The following GPBP1L1 variants were observed in gnomAD, a reference collection of about 807,000 sequenced individuals.
GPBP1L1 encodes GC-rich promoter binding protein 1 like 1.
In GPBP1L1, 23 loss-of-function variants were observed where a neutral mutation model predicts 52.5. The ratio of observed to expected loss-of-function variants is 0.44; its 90% CI spans 0.32 to 0.62. The LOEUF is 0.62. Ranked by LOEUF, GPBP1L1 falls within the 20% of genes least tolerant of loss-of-function variation. The pLI, the probability that GPBP1L1 is intolerant of heterozygous loss-of-function variation, is 0.06. For missense variants in GPBP1L1, 596 were observed against 579.3 expected (o/e 1.03, Z -0.30); for synonymous variants, 243 against 203.1 (o/e 1.20, Z -1.67).
chr1:45,647,329 G>A (rs556773321), intron 6 of GPBP1L1, among the ~76,000 whole-genome samples: 13 of 151,694 alleles, frequency 8.6e-5, no homozygotes, highest in South Asian at 8.3e-4. Flanking sequence ...CTTTCCTTTC[G>A]TCTCTACTAA....
chr1:45,665,449 A>G (rs896033681), intron 2 of GPBP1L1, among the ~76,000 whole-genome samples: 1 of 151,736 alleles, frequency 6.6e-6, no homozygotes, highest in Non-Finnish European at 1.5e-5. Flanking sequence ...ATCCAAGGAG[A>G]ACATAAAGAT....
Position 45,628,176 on chromosome 1 carries a change from G to A in GPBP1L1, c.*80C>T, listed in dbSNP as rs1404186849. ...TGAAGTATTCAACAACATAAGAAAAGGAAAAGAACGATTTCTTTTGTATAC... is the reference window on the plus strand; with the variant it reads ...TGAAGTATTCAACAACATAAGAAAAAGAAAAGAACGATTTCTTTTGTATAC... On this transcript the variant is annotated 3_prime_UTR_variant, in exon 13 of 13. Transcript: ENST00000355105. 2 of 1,322,696 alleles carry A rather than the reference G, an allele frequency of 1.5e-6. No individual in the cohort carries two copies. The allele number at this position is 1,322,696 out of a possible 1,614,324, so 81.9% of individuals were successfully genotyped here.
chr1:45,651,395 G>T (rs918561699), intron 6 of GPBP1L1: 1 of 390,210 alleles, frequency 2.6e-6, no homozygotes, highest in Non-Finnish European at 4.9e-6. Context: ...CTCCACCAAG[G>T]TGGTGAAGTG....
chr1:45,633,739 G>GCCTATTTAT, intron 9 of GPBP1L1, 92 bp from the exon 10 acceptor site: 1 of 1,293,594 alleles, frequency 7.7e-7, no homozygotes, highest in Non-Finnish European at 1.1e-6. Context: ...GAATCTGGTA[G>GCCTATTTAT]CCTATTTATC....
chr1:45,643,687 T>TTTG (rs796900170), intron 6 of GPBP1L1, among the ~76,000 whole-genome samples: 5 of 116,822 alleles, frequency 4.3e-5, no homozygotes, highest in South Asian at 6.2e-4. Context: ...TTTTTTTTTT[T>TTTG]GTGACAGAGT....
intron 6 of GPBP1L1, among the ~76,000 whole-genome samples, chr1:45,649,134 T>C (rs1230659682): frequency 6.6e-6 from 1 of 152,246 alleles, no homozygotes; most frequent in East Asian, 1.9e-4. Context: ...CAAAAAGTTT[T>C]AGACTGCAGA....
intron 2 of GPBP1L1, among the ~76,000 whole-genome samples, chr1:45,672,768 A>T (rs1353874961): frequency 6.6e-6 from 1 of 152,258 alleles, no homozygotes; most frequent in African/African-American, 2.4e-5. Flanking sequence ...GTGGGGACCC[A>T]GAAGCTAAGC....
intron 6 of GPBP1L1, among the ~76,000 whole-genome samples, chr1:45,653,034 G>A (rs1419363271): frequency 6.6e-6 from 1 of 152,148 alleles, no homozygotes; most frequent in East Asian, 1.9e-4. Flanking sequence ...ATATGTAAGG[G>A]CAGTATAGAC....
At chr1:45,635,512 T>C (rs1047722914) in intron 8 of GPBP1L1, 1 of 152,188 alleles carries the variant, frequency 6.6e-6, no homozygotes, top group Admixed American at 6.5e-5. Context: ...AGATTTACTC[T>C]GTTACATAAA....
Position 45,633,604 on chromosome 1 carries a change from C to A in GPBP1L1, c.929G>T (p.Arg310Leu), listed in dbSNP as rs767120306. 1.2e-6 allele frequency: 2 copies of A among 1,613,864 alleles called. No individual in the cohort carries two copies. Among genetic ancestry groups the A allele is most frequent in the Non-Finnish European group, 1.7e-6 (2 of 1,179,958 alleles). ...TTPPIEISSS[R>L]LTKLTRRTTD... is the part of the protein sequence containing the mutation. The stretch of plus-strand genomic sequence containing the variant: ...GGTTCGGCGGGTCAACTTGGTCAGA[C>A]GAGAGGAGCTGATCTCAATTGGAGG... Residue 310 changes from arginine (R) to leucine (L), a missense_variant, in exon 10 of 13, where the codon CGT becomes CTT. Coordinates refer to ENST00000355105, the MANE Select transcript of GPBP1L1 (RefSeq NM_021639.5).
intron 6 of GPBP1L1, chr1:45,651,796 TCTTCCC>T (rs1276250749): frequency 3.5e-6 from 1 of 286,328 alleles, no homozygotes; most frequent in Non-Finnish European, 6.5e-6. Context: ...AGAGCCAACT[TCTTCCC>T]CTTGCCCTTC....
chr1:45,654,574 A>G lies in GPBP1L1; in HGVS notation c.446T>C (p.Val149Ala), dbSNP rs1056136015. 4 of 1,612,182 alleles carry G rather than the reference A, an allele frequency of 2.5e-6. No individual in the cohort carries two copies. In the African/African-American group the frequency reaches 5.3e-5, roughly 22 times the overall value. ...EIREEKKEDK[V>A]EKLQFEEEDF... is the part of the protein sequence containing the mutation. ...CTCCTCTTCAAACTGCAACTTTTCCACCTTGTCTTCTTTCTTTTCTTCCCT... is the reference window on the plus strand; with the variant it reads ...CTCCTCTTCAAACTGCAACTTTTCCGCCTTGTCTTCTTTCTTTTCTTCCCT... Residue 149 changes from valine (V) to alanine (A), a missense_variant, in exon 6 of 13, where the codon GTG (valine) becomes GCG (alanine). Val to Ala is a moderately conservative substitution (Grantham distance 64). Coordinates refer to ENST00000355105, the MANE Select transcript of GPBP1L1 (RefSeq NM_021639.5).
At chr1:45,641,509 T>C (rs1211432611) in intron 7 of GPBP1L1, among the ~76,000 whole-genome samples, 1 of 151,892 alleles carries the variant, frequency 6.6e-6, no homozygotes, top group Admixed American at 6.6e-5. Context: ...CATACATATA[T>C]ATGAATGTTT....
intron 8 of GPBP1L1, among the ~76,000 whole-genome samples, chr1:45,639,191 G>A (rs1569774298): frequency 1.5e-5 from 1 of 67,438 alleles, no homozygotes; most frequent in East Asian, 4.5e-4. Context: ...AGGAAGGCAT[G>A]TGATATATTC....
chr1:45,663,199 T>C (rs1644968030), intron 2 of GPBP1L1, among the ~76,000 whole-genome samples: 2 of 152,152 alleles, frequency 1.3e-5, no homozygotes, highest in African/African-American at 4.8e-5. Context: ...TATAAATAAC[T>C]GTCTGGTGCG....
chr1:45,633,043 T>C (rs1055407325), intron 10 of GPBP1L1, among the ~76,000 whole-genome samples: 1 of 152,150 alleles, frequency 6.6e-6, no homozygotes, highest in African/African-American at 2.4e-5. Context: ...CAACAGAAAT[T>C]CTCATTTATT....
chr1:45,652,632 T>A (rs577598859), intron 6 of GPBP1L1, among the ~76,000 whole-genome samples: 3 of 152,346 alleles, frequency 2.0e-5, no homozygotes, highest in African/African-American at 7.2e-5. Flanking sequence ...ATACAAATTA[T>A]GTTAAAATCA....
In GPBP1L1 at chr1:45,633,501, G is replaced by C; in HGVS notation, c.1032C>G (p.Asp344Glu). The change falls in exon 10 of 13, where the codon GAC (aspartate) becomes GAG (glutamate). Residue 344 changes from aspartate (D) to glutamate (E), a missense_variant. Physicochemically the swap from Asp to Glu is conservative, Grantham distance 45 (BLOSUM62 2). Transcript: ENST00000355105. ...NGDFSENRDC[D>E]KLEDLEDNST... ...CGGATGCTCTTACATCTTCCAGCTT[G>C]TCACAGTCTCTATTCTCTGAGAAGT... is the stretch of plus-strand genomic sequence containing the variant. 1 of 1,613,914 alleles carries C rather than the reference G, an allele frequency of 6.2e-7. No individual in the cohort carries two copies. The highest frequency in any genetic ancestry group is 1.3e-5 in the African/African-American group (1 of 74,980).
intron 10 of GPBP1L1, 125 bp from the exon 11 acceptor site, chr1:45,630,731 T>C (rs1162957560): frequency 3.8e-6 from 2 of 524,124 alleles, no homozygotes; most frequent in East Asian, 6.2e-5. Flanking sequence ...AGCCCACAGA[T>C]TTTTTTCCCC....
Sources: gnomAD v4.1 joint callset for allele counts (sites outside exome capture counted in the v4.1 genomes callset) on GRCh38, gnomAD v4.1.1 for gene constraint, MANE v1.5 for transcripts, NCBI Gene and HGNC (gene_info 2026-07-23, HGNC 2026-07-21) for gene names.